SMC2: variants seen among roughly 807,000 people sequenced by gnomAD.
SMC2 encodes the protein structural maintenance of chromosomes protein 2.
SMC2 carries 41 observed loss-of-function variants against 142.6 expected under a neutral mutation model. That is an observed-to-expected ratio of 0.29 (90% CI 0.22 to 0.37). The LOEUF (loss-of-function observed/expected upper bound fraction) is 0.37. Among genes scored for constraint, SMC2 ranks in the 10% least tolerant of loss-of-function variants. SMC2 has a pLI of 1.00. For missense variants in SMC2, 1,265 were observed against 1,373.7 expected (o/e 0.92, Z 1.25); for synonymous variants, 463 against 457.5 (o/e 1.01, Z -0.15).
chr9:104,112,276 A>G (rs1393326130), intron 10 of SMC2, among the ~76,000 whole-genome samples: 1 of 152,210 alleles, frequency 6.6e-6, no homozygotes, highest in Non-Finnish European at 1.5e-5. Flanking sequence ...TTTAGGAAGT[A>G]TCTCTACCTC....
rs778535672 is a variant in SMC2 at position 104,096,343 on chromosome 9, T to C, written c.318+46T>C. ...TGGGTATCTTAAGACCTTTTATGTC[T>C]GATGTGGTTTTTGGCCCTATGCCTT... On this transcript the variant is annotated intron_variant, in intron 3 of 24. Transcript: ENST00000374793. The C allele has an allele frequency of 3.1e-6, 5 of 1,588,776 alleles. No individual in the cohort carries two copies. The East Asian group carries it at 6.7e-5, about 21-fold the overall frequency.
chr9:104,131,249 A>G (rs1448245135), intron 21 of SMC2, among the ~76,000 whole-genome samples: 1 of 152,154 alleles, frequency 6.6e-6, no homozygotes, highest in East Asian at 1.9e-4. Flanking sequence ...TCAGAGAAAG[A>G]GCATTCCAGG....
At chr9:104,115,219 C>T (rs36053497) in intron 13 of SMC2, among the ~76,000 whole-genome samples, 15,354 of 151,286 alleles carry the variant, frequency 0.1, 1,039 homozygotes, top group Non-Finnish European at 0.15. Flanking sequence ...GTAAATGCTA[C>T]GTAGTCATTG....
intron 3 of SMC2, among the ~76,000 whole-genome samples, chr9:104,097,163 T>C (rs1319267027): frequency 6.8e-6 from 1 of 147,266 alleles, no homozygotes; most frequent in East Asian, 2.1e-4. Flanking sequence ...AGTCTCGCTC[T>C]GTTACCCAGG....
chr9:104,097,451 A>G (rs1305601444), intron 3 of SMC2, among the ~76,000 whole-genome samples: 2 of 148,312 alleles, frequency 1.3e-5, no homozygotes, highest in African/African-American at 5.0e-5. Flanking sequence ...TTTACTGTCC[A>G]TCTTATCATT....
In SMC2 at chr9:104,114,811, T is replaced by C; in HGVS notation, c.1653T>C (p.Asn551=). The C allele has an allele frequency of 6.2e-7, 1 of 1,611,766 alleles. No homozygotes were observed. Among genetic ancestry groups the C allele is most frequent in the Non-Finnish European group, 8.5e-7 (1 of 1,179,122 alleles). ...LELVAGERLY[N]VVVDTEVTGK... ...TAGTGGCTGGAGAACGACTCTACAATGTTGTAGTAGACACAGAAGTAAGTT... is the reference window on the plus strand; with the variant it reads ...TAGTGGCTGGAGAACGACTCTACAACGTTGTAGTAGACACAGAAGTAAGTT... Residue 551 remains asparagine (N), a synonymous_variant, in exon 13 of 25, where the codon AAT becomes AAC. Transcript: ENST00000374793.
intron 7 of SMC2, 111 bp downstream of exon 7, chr9:104,100,544 T>C (rs1830996001): frequency 3.0e-5 from 21 of 697,530 alleles, no homozygotes; most frequent in Admixed American, 8.6e-5. Flanking sequence ...TTTCCTGCGA[T>C]GAGATAAGGA....
At position 104,102,142 on chromosome 9, in the gene SMC2, A is replaced by C; in HGVS notation, c.819A>C (p.Lys273Asn). ...LQEELSENDKKIKALNHEIEE... is the reference protein window; with the variant it reads ...LQEELSENDKNIKALNHEIEE... The stretch of plus-strand genomic sequence containing the variant: ...AAGAATTGTCTGAGAATGATAAAAA[A>C]ATAAAAGCACTTAATCATGAAATAG... Residue 273 changes from lysine (K) to asparagine (N), a missense_variant, in exon 8 of 25, where the codon AAA (lysine) becomes AAC (asparagine). This residue lies in a region of SMC2 where 898 missense variants were observed against 904.2 expected (regional missense o/e 0.99). Transcript: ENST00000374793. 9 of 1,588,378 alleles carry C rather than the reference A, an allele frequency of 5.7e-6. No homozygotes were observed. Among genetic ancestry groups the C allele is most frequent in the Non-Finnish European group, 7.8e-6 (9 of 1,159,138 alleles).
intron 3 of SMC2, among the ~76,000 whole-genome samples, chr9:104,097,393 A>G (rs1830564481): frequency 7.0e-6 from 1 of 143,780 alleles, no homozygotes; most frequent in South Asian, 2.2e-4. Flanking sequence ...GGTGTGAGCC[A>G]CGGCGCCTGG....
Position 104,116,332 on chromosome 9 carries a change from T to C in SMC2, c.1791+13T>C. 1.3e-6 allele frequency: 2 copies of C among 1,595,146 alleles called. No homozygotes were observed. The highest frequency in any genetic ancestry group is 1.7e-6 in the Non-Finnish European group (2 of 1,173,432). On this transcript the variant is annotated intron_variant, in intron 14 of 24. Transcript: ENST00000374793. Reference sequence around the variant, plus strand: ...TGCTCAGAATCTTGTAAGTCTCATTTTGTCTTATTTATATGTTTAATCGTC... The same window carrying C: ...TGCTCAGAATCTTGTAAGTCTCATTCTGTCTTATTTATATGTTTAATCGTC...
At chr9:104,100,317 T>G in intron 6 of SMC2, 72 bp from the exon 7 acceptor site, 1 of 1,425,704 alleles carries the variant, frequency 7.0e-7, no homozygotes, top group East Asian at 2.3e-5. Context: ...TAGTCATCCC[T>G]GCTACTTCTC....
chr9:104,115,261 TA>T (rs1227750702), intron 13 of SMC2, among the ~76,000 whole-genome samples: 1 of 151,522 alleles, frequency 6.6e-6, no homozygotes, highest in Non-Finnish European at 1.5e-5. Flanking sequence ...TTTTTTAATT[TA>T]TTTTATATAT....
chr9:104,095,380 C>A lies in SMC2; in HGVS notation c.-5C>A. The A allele has an allele frequency of 5.6e-6, 9 of 1,611,468 alleles. No homozygotes were observed. Among genetic ancestry groups the A allele is most frequent in the Non-Finnish European group, 7.6e-6 (9 of 1,179,248 alleles). On this transcript the variant is annotated 5_prime_UTR_variant, in exon 2 of 25. Transcript: ENST00000374793. ...GAGGTTTGCTGACCCAAGACAGTAT[C>A]GAAAATGCATATTAAGTCAATTATT... is the stretch of plus-strand genomic sequence containing the variant.
intron 3 of SMC2, among the ~76,000 whole-genome samples, chr9:104,097,840 A>G (rs1759875156): frequency 6.6e-6 from 1 of 152,184 alleles, no homozygotes; most frequent in African/African-American, 2.4e-5. Flanking sequence ...ATGTACAGTT[A>G]GAAGAATGAG....
Position 104,124,974 on chromosome 9 carries a change from G to T in SMC2, c.2320G>T (p.Glu774Ter). The change falls in exon 18 of 25, where the codon GAA becomes TAA. Residue 774 changes from glutamate to a stop codon, truncating the protein, a stop_gained. Coordinates refer to ENST00000374793, the MANE Select transcript of SMC2 (RefSeq NM_006444.3). LOFTEE classifies it high-confidence loss of function. ...CCAAAGAAAAGCAGAAGAAAAATATGAAGTATTGGAAAATAAAATGAAAAA... is the reference window on the plus strand; with the variant it reads ...CCAAAGAAAAGCAGAAGAAAAATATTAAGTATTGGAAAATAAAATGAAAAA... ...EIQRKAEEKY[E>*]VLENKMKNAE... 6.3e-7 allele frequency: 1 copy of T among 1,599,602 alleles called. No homozygotes were observed. Among genetic ancestry groups the T allele is most frequent in the South Asian group, 1.1e-5 (1 of 87,352 alleles).
intron 10 of SMC2, among the ~76,000 whole-genome samples, chr9:104,112,969 A>G (rs1406173784): frequency 6.6e-6 from 1 of 152,182 alleles, no homozygotes; most frequent in Non-Finnish European, 1.5e-5. Flanking sequence ...AGCGGAAAGG[A>G]AAAGAACGAG....
chr9:104,130,845 T>C (rs974026798), intron 21 of SMC2, among the ~76,000 whole-genome samples: 2 of 152,218 alleles, frequency 1.3e-5, no homozygotes, highest in Non-Finnish European at 2.9e-5. Flanking sequence ...AATATTTTTT[T>C]CAAAAGAATT....
intron 21 of SMC2, 27 bp downstream of exon 21, chr9:104,129,872 G>C: frequency 6.4e-7 from 1 of 1,566,160 alleles, no homozygotes; most frequent in Non-Finnish European, 8.8e-7. Context: ...TGAATATCTG[G>C]CCGCATTAGA....
At position 104,134,502 on chromosome 9, in the gene SMC2, G is replaced by T; in HGVS notation, c.3196G>T (p.Asp1066Tyr). 1 of 1,612,862 alleles carries T rather than the reference G, an allele frequency of 6.2e-7. No individual in the cohort carries two copies. The highest frequency in any genetic ancestry group is 8.5e-7 in the Non-Finnish European group (1 of 1,179,230). The change falls in exon 23 of 25, where the codon GAT becomes TAT. Residue 1066 changes from aspartate to tyrosine, a missense_variant. Around this residue, in one of 4 missense-constraint regions of SMC2, gnomAD observed 192 missense variants for 261.9 expected, o/e 0.73. Coordinates refer to ENST00000374793, the MANE Select transcript of SMC2 (RefSeq NM_006444.3). ...ACCACCAGAGGGTCAAACTGTTTTGGATGGTCTGGAGTTCAAGGTTGCCTT... is the reference window on the plus strand; with the variant it reads ...ACCACCAGAGGGTCAAACTGTTTTGTATGGTCTGGAGTTCAAGGTTGCCTT... ...LAPPEGQTVL[D>Y]GLEFKVALGN... is the part of the protein sequence containing the mutation.
Sources: gnomAD v4.1 joint callset for allele counts (sites outside exome capture counted in the v4.1 genomes callset) on GRCh38, gnomAD v4.1.1 for gene constraint, gnomAD v4.1.1 regional missense constraint, MANE v1.5 for transcripts, NCBI Gene and HGNC (gene_info 2026-07-23, HGNC 2026-07-21) for gene names.